The following CORIN variants were observed in gnomAD, a reference collection of about 807,000 sequenced individuals.
CORIN encodes atrial natriuretic peptide-converting enzyme.
A neutral mutation model predicts 125.3 loss-of-function variants in CORIN; 117 were observed. The observed-to-expected ratio is 0.93, with a 90% CI of 0.80 to 1.09. CORIN has a LOEUF of 1.09. CORIN is among the 50% of genes least tolerant of loss of function. CORIN has a pLI of 0.00. For missense variants in CORIN, 1,253 were observed against 1,306.7 expected (o/e 0.96, Z 0.63); for synonymous variants, 450 against 466.4 (o/e 0.96, Z 0.45).
At chr4:47,816,846 G>GCACA (rs58486505) in intron 1 of CORIN, among the ~76,000 whole-genome samples, 94 of 150,770 alleles carry the variant, frequency 6.2e-4, no homozygotes, top group African/African-American at 2.2e-3. Context: ...ACACACACGT[G>GCACA]CACACACACA....
chr4:47,794,490 A>G (rs1425357077), intron 2 of CORIN, among the ~76,000 whole-genome samples: 3 of 152,202 alleles, frequency 2.0e-5, no homozygotes, highest in Non-Finnish European at 1.5e-5. Context: ...TCATATTAAG[A>G]AAACTAGAAA....
chr4:47,598,168 G>T (rs141698585), intron 21 of CORIN, among the ~76,000 whole-genome samples: 19 of 152,208 alleles, frequency 1.2e-4, no homozygotes, highest in African/African-American at 4.3e-4. Context: ...TTTATATTTG[G>T]CTTCAGTATT....
At chr4:47,796,197 T>C (rs911960528) in intron 2 of CORIN, among the ~76,000 whole-genome samples, 18 of 152,050 alleles carry the variant, frequency 1.2e-4, no homozygotes, top group Admixed American at 1.1e-3. Flanking sequence ...AGCCAAGACA[T>C]GGAAGCAGCC....
At chr4:47,802,958 C>T (rs755842504) in intron 2 of CORIN, among the ~76,000 whole-genome samples, 24 of 152,096 alleles carry the variant, frequency 1.6e-4, no homozygotes, top group Non-Finnish European at 3.2e-4. Context: ...GGAAAAAGAA[C>T]GAGAGTCTCG....
intron 5 of CORIN, among the ~76,000 whole-genome samples, chr4:47,715,606 A>T (rs925660584): frequency 6.6e-6 from 1 of 152,186 alleles, no homozygotes; most frequent in Non-Finnish European, 1.5e-5. Context: ...CTCCAAAAAA[A>T]AAGGGGGGGA....
chr4:47,833,521 C>CA (rs75657429), intron 1 of CORIN, among the ~76,000 whole-genome samples: 1,637 of 114,914 alleles, frequency 0.014, 11 homozygotes, highest in Non-Finnish European at 0.02. Context: ...AAAGCATAGG[C>CA]AAAAAAAAAA....
intron 14 of CORIN, 127 bp downstream of exon 14, chr4:47,644,954 T>A (rs1220352754): frequency 5.4e-6 from 3 of 555,550 alleles, no homozygotes; most frequent in African/African-American, 1.9e-5. Flanking sequence ...TGGAGTTTGA[T>A]CAAAAGATGT....
At chr4:47,811,462 A>G (rs1732058213) in intron 1 of CORIN, among the ~76,000 whole-genome samples, 2 of 152,186 alleles carry the variant, frequency 1.3e-5, no homozygotes, top group Admixed American at 6.5e-5. Flanking sequence ...TTGTCAACAC[A>G]TGGTGCATTC....
intron 1 of CORIN, chr4:47,837,618 G>T (rs1291128663): frequency 3.5e-6 from 2 of 572,112 alleles, no homozygotes; most frequent in Non-Finnish European, 6.2e-6. Flanking sequence ...GAGCCGACTC[G>T]AACACTGAAG....
chr4:47,824,449 C>T (rs1226275364), intron 1 of CORIN, among the ~76,000 whole-genome samples: 4 of 152,146 alleles, frequency 2.6e-5, no homozygotes, highest in Non-Finnish European at 5.9e-5. Flanking sequence ...GGCCACTTCA[C>T]GTTCTCACCA....
intron 5 of CORIN, among the ~76,000 whole-genome samples, chr4:47,723,682 G>A (rs1290132331): frequency 6.6e-6 from 1 of 152,256 alleles, no homozygotes; most frequent in East Asian, 1.9e-4. Flanking sequence ...CAGGATATAA[G>A]TTAAAATTAA....
chr4:47,622,621 T>C (rs528002895), intron 19 of CORIN, among the ~76,000 whole-genome samples: 92 of 152,242 alleles, frequency 6.0e-4, no homozygotes, highest in African/African-American at 2.2e-3. Flanking sequence ...CATTTTTTCA[T>C]GTGTTTTTTG....
Position 47,661,826 on chromosome 4 carries a change from A to G in CORIN, c.1620T>C (p.Cys540=). 6.2e-7 allele frequency: 1 copy of G among 1,613,040 alleles called. No individual in the cohort carries two copies. Among genetic ancestry groups the G allele is most frequent in the Non-Finnish European group, 8.5e-7 (1 of 1,179,378 alleles). The change falls in exon 12 of 22, where the codon TGT becomes TGC. Residue 540 remains cysteine, a synonymous_variant. Transcript: ENST00000273857. The stretch of plus-strand genomic sequence containing the variant: ...GGCCCACAATCCCAAGAACAGACTC[A>G]CAGCGTTCTTTAGAGTGTTCACACA... The part of the protein sequence containing the change: ...RALCEHSKER[C]ESVLGIVGLQ...
intron 14 of CORIN, among the ~76,000 whole-genome samples, chr4:47,643,887 T>G (rs1283913094): frequency 2.6e-5 from 4 of 152,154 alleles, no homozygotes; most frequent in African/African-American, 7.2e-5. Flanking sequence ...TCTACAGTTT[T>G]TTTGTTTGTT....
At chr4:47,794,559 T>A (rs2109931407) in intron 2 of CORIN, among the ~76,000 whole-genome samples, 1 of 152,310 alleles carries the variant, frequency 6.6e-6, no homozygotes, top group South Asian at 2.1e-4. Context: ...TTTAGATATA[T>A]ATGGATGAGT....
intron 3 of CORIN, among the ~76,000 whole-genome samples, chr4:47,775,735 G>T (rs1464556728): frequency 6.6e-6 from 1 of 152,142 alleles, no homozygotes; most frequent in African/African-American, 2.4e-5. Flanking sequence ...GGTTGACAGC[G>T]TTTGATGTGT....
rs557424627 is a variant in CORIN at position 47,610,449 on chromosome 4, G to T, written c.2541-6781C>A. Among the ~76,000 whole-genome samples the T allele has an allele frequency of 9.1e-3, 1,350 of 148,542 alleles. 12 individuals carry two copies. The highest frequency in any genetic ancestry group is 0.011 in the Non-Finnish European group (752 of 66,826). On this transcript the variant is annotated intron_variant, in intron 19 of 21. Transcript: ENST00000273857. ...TGTCCTTTGCCCACTTTTTAATGGG[G>T]TTTTTTTTTTCTTGTAAATTTAAGT...
At chr4:47,760,173 T>G (rs1436626604) in intron 4 of CORIN, among the ~76,000 whole-genome samples, 1 of 152,234 alleles carries the variant, frequency 6.6e-6, no homozygotes, top group Non-Finnish European at 1.5e-5. Flanking sequence ...AATTATTCCC[T>G]GATTAATGGG....
chr4:47,623,419 TA>T (rs1722417159), intron 19 of CORIN, 151 bp downstream of exon 19: 1 of 747,726 alleles, frequency 1.3e-6, no homozygotes, highest in Non-Finnish European at 2.1e-6. Context: ...ACATCAAGGA[TA>T]GAAAACTTTA....
Sources: gnomAD v4.1 joint callset for allele counts (sites outside exome capture counted in the v4.1 genomes callset) on GRCh38, gnomAD v4.1.1 for gene constraint, MANE v1.5 for transcripts, NCBI Gene and HGNC (gene_info 2026-07-23, HGNC 2026-07-21) for gene names.